PLEC: variants seen among roughly 807,000 people sequenced by gnomAD.
PLEC encodes plectin.
A neutral mutation model predicts 392.8 loss-of-function variants in PLEC; 216 were observed. The ratio of observed to expected loss-of-function variants is 0.55; its 90% CI spans 0.49 to 0.62. PLEC has a LOEUF of 0.62. Among genes scored for constraint, PLEC ranks in the 20% least tolerant of loss-of-function variants. The pLI is 0.00. For synonymous variants in PLEC, 3,621 were observed against 2,980.6 expected (o/e 1.21, Z -7.00); for missense variants, 6,863 against 6,563.4 (o/e 1.05, Z -1.58).
intron 1 of PLEC, among the ~76,000 whole-genome samples, chr8:143,968,024 G>A (rs1294349173): frequency 3.3e-5 from 5 of 150,866 alleles, no homozygotes; most frequent in South Asian, 2.1e-4. Context: ...GCTACTCGGC[G>A]GACAGAGGCA....
chr8:143,939,150 A>G (rs1265768970), intron 1 of PLEC, among the ~76,000 whole-genome samples, 200 bp downstream of exon 1: 1 of 152,156 alleles, frequency 6.6e-6, no homozygotes, highest in Non-Finnish European at 1.5e-5. Flanking sequence ...CAGGCCCGAC[A>G]TCTGACGCTC....
chr8:143,923,090 G>A lies in PLEC; in HGVS notation c.6839C>T (p.Ala2280Val). ...TTGGGCCGCCACACTCAGCCGCGCG[G>A]CCTCCTCCGCCACCTGCTTCATCTT... ...AEKMKQVAEEAARLSVAAQEA... is the reference protein window; with the variant it reads ...AEKMKQVAEEVARLSVAAQEA... The change falls in exon 31 of 32, where the codon GCC becomes GTC. Residue 2280 changes from alanine (A) to valine (V), a missense_variant. Ala to Val is a moderately conservative substitution (Grantham distance 64). Transcript: ENST00000345136. 1 of 1,606,930 alleles carries A rather than the reference G, an allele frequency of 6.2e-7. No individual in the cohort carries two copies. The highest frequency in any genetic ancestry group is 8.5e-7 in the Non-Finnish European group (1 of 1,179,828).
In PLEC at chr8:143,921,764, T is replaced by C. The variant is rs781866441; in HGVS notation, c.8057A>G (p.Glu2686Gly). 8.1e-6 allele frequency: 13 copies of C among 1,612,026 alleles called. No individual in the cohort carries two copies. In the East Asian group the frequency reaches 1.6e-4, roughly 19 times the overall value. The change falls in exon 32 of 32, where the codon GAA (glutamate) becomes GGA (glycine). Residue 2686 changes from glutamate (E) to glycine (G), a missense_variant. Physicochemically the swap from Glu to Gly is moderately conservative, Grantham distance 98 (BLOSUM62 -2). Coordinates refer to ENST00000345136, the MANE Select transcript of PLEC (RefSeq NM_201384.3). ...HTTVDELARR[E>G]DVRHYLQGRS... ...GCCCTGCAGGTAGTGGCGCACGTCT[T>C]CCCGCCGTGCGAGCTCGTCCACCGT...
chr8:143,919,663 C>A lies in PLEC; in HGVS notation c.10158G>T (p.Ala3386=). The change falls in exon 32 of 32, where the codon GCG becomes GCT. Residue 3386 remains alanine (A), a synonymous_variant. Transcript: ENST00000345136. The part of the protein sequence containing the change: ...RRGLLRATTA[A]LLLEAQAATG... ...TGGCCGCCTGCGCCTCCAGCAGGAG[C>A]GCAGCCGTTGTGGCTCTCAGCAGGC... 6.3e-7 allele frequency: 1 copy of A among 1,594,350 alleles called. No homozygotes were observed. The highest frequency in any genetic ancestry group is 8.5e-7 in the Non-Finnish European group (1 of 1,172,388).
At chr8:143,929,306 C>G (rs1486179183) in intron 24 of PLEC, 25 bp from the exon 25 acceptor site, 3 of 1,597,542 alleles carry the variant, frequency 1.9e-6, no homozygotes, top group Non-Finnish European at 2.5e-6. Flanking sequence ...AGTGGGAACG[C>G]ACTCATCACC....
upstream of PLEC, among the ~76,000 whole-genome samples, chr8:143,954,405 G>A (rs1832476700): frequency 1.3e-5 from 2 of 152,170 alleles, no homozygotes; most frequent in African/African-American, 4.8e-5. The surrounding 1 kb of genome is among the most constrained non-coding windows in gnomAD (Gnocchi z 4.6). Context: ...TGACAGGTCC[G>A]ACCTGCACCC....
Position 143,929,332 on chromosome 8 carries a change from C to T in PLEC, c.3082-51G>A, listed in dbSNP as rs537031083. 97 of 1,588,788 alleles carry T rather than the reference C, an allele frequency of 6.1e-5. No individual in the cohort carries two copies. In the South Asian group the frequency reaches 9.8e-4, roughly 16 times the overall value. On this transcript the variant is annotated intron_variant, in intron 24 of 31. Transcript: ENST00000345136. The stretch of plus-strand genomic sequence containing the variant: ...ACTCATCACCGAGCGCAGCACACAG[C>T]GCCCCTTGAAGGCCAAAGGAGGGAG...
Position 143,927,677 on chromosome 8 carries a change from C to T in PLEC, c.3489G>A (p.Leu1163=). 1 of 1,580,822 alleles carries T rather than the reference C, an allele frequency of 6.3e-7. No homozygotes were observed. The highest frequency in any genetic ancestry group is 8.6e-7 in the Non-Finnish European group (1 of 1,163,274). Residue 1163 remains leucine (L), a synonymous_variant, in exon 27 of 32, where the codon CTG becomes CTA. Coordinates refer to ENST00000345136, the MANE Select transcript of PLEC (RefSeq NM_201384.3). ...LRGAQEVGER[L]QQRHGERDVE... ...CGTCCCGCTCCCCGTGCCGCTGCTG[C>T]AGTCGCTCCCCCACCTCCTGTGCCC...
chr8:143,945,579 A>G (rs1554731760), intron 1 of PLEC, among the ~76,000 whole-genome samples: 1 of 152,194 alleles, frequency 6.6e-6, no homozygotes, highest in Non-Finnish European at 1.5e-5. Flanking sequence ...CGCTCCTGGC[A>G]CCACATGGAA....
chr8:143,952,290 G>A (rs1262797884), upstream of PLEC, among the ~76,000 whole-genome samples: 1 of 152,184 alleles, frequency 6.6e-6, no homozygotes, highest in African/African-American at 2.4e-5. Flanking sequence ...CATAGCCACG[G>A]TTCCCACAGC....
chr8:143,948,607 C>T lies in PLEC; in HGVS notation c.523+1577G>A, dbSNP rs537210127. On this transcript the variant is annotated intron_variant, in intron 1 of 31. Transcript: ENST00000322810. ...TGTGGCTCGCTTCCTGTTGGAAACT[C>T]TGAGCTGCTGCTGGCGGCTGTGGCT... Among the ~76,000 whole-genome samples the T allele has an allele frequency of 3.9e-5, 6 of 152,358 alleles. No individual in the cohort carries two copies. In the South Asian group the frequency reaches 1.2e-3, roughly 32 times the overall value.
chr8:143,956,146 C>T (rs2132817969), upstream of PLEC, among the ~76,000 whole-genome samples: 1 of 152,254 alleles, frequency 6.6e-6, no homozygotes, highest in South Asian at 2.1e-4. Context: ...TGGGGTTTCA[C>T]CATGTTGGTC....
chr8:143,950,025 C>T (rs1305112864), intron 1 of PLEC, among the ~76,000 whole-genome samples: 1 of 152,192 alleles, frequency 6.6e-6, no homozygotes, highest in Non-Finnish European at 1.5e-5. Flanking sequence ...GCAAGCGCAC[C>T]CCCTGACCCT....
chr8:143,965,886 C>A (rs1833062973), intron 1 of PLEC, among the ~76,000 whole-genome samples: 1 of 152,172 alleles, frequency 6.6e-6, no homozygotes. Context: ...GGCCAAGGCC[C>A]AGGGAACTCC....
chr8:143,933,221 G>T lies in PLEC; in HGVS notation c.1394C>A (p.Pro465Gln). ...DVQTLKDGRH[P>Q]QGEQMYRRVY... ...CCTGCGGTACATCTGCTCGCCCTGC[G>T]GGTGCCGTCCATCCTTGAGGGTCTG... is the stretch of plus-strand genomic sequence containing the variant. Residue 465 changes from proline to glutamine, a missense_variant, in exon 13 of 32, where the codon CCG becomes CAG. Coordinates refer to ENST00000345136, the MANE Select transcript of PLEC (RefSeq NM_201384.3). 6.2e-7 allele frequency: 1 copy of T among 1,612,854 alleles called. No individual in the cohort carries two copies. The highest frequency in any genetic ancestry group is 8.5e-7 in the Non-Finnish European group (1 of 1,179,944).
chr8:143,936,692 G>A (rs576617480), intron 5 of PLEC, among the ~76,000 whole-genome samples: 4 of 152,336 alleles, frequency 2.6e-5, no homozygotes, highest in Non-Finnish European at 5.9e-5. Context: ...CCTCCCCAGG[G>A]CAGGCACCGG....
upstream of PLEC, chr8:143,944,572 TCAGCCC>T (rs145989270): frequency 2.1e-6 from 2 of 938,754 alleles, no homozygotes; most frequent in Non-Finnish European, 1.5e-6. Flanking sequence ...GCCTCCAGCC[TCAGCCC>T]CAGCCCTCTG....
chr8:143,955,537 A>G (rs1299780616), upstream of PLEC, among the ~76,000 whole-genome samples: 1 of 152,232 alleles, frequency 6.6e-6, no homozygotes, highest in Non-Finnish European at 1.5e-5. Flanking sequence ...ACCTCAAGTG[A>G]AAGTGACAGA....
At chr8:143,949,049 C>T (rs1554733794) in intron 1 of PLEC, among the ~76,000 whole-genome samples, 1 of 152,216 alleles carries the variant, frequency 6.6e-6, no homozygotes, top group Non-Finnish European at 1.5e-5. Context: ...CCAGCCTCCA[C>T]CCCACAGCCT....
Sources: allele counts gnomAD v4.1 joint callset (sites outside exome capture counted in the v4.1 genomes callset), GRCh38; gene constraint gnomAD v4.1.1; non-coding constraint Gnocchi (gnomAD v3.1); transcripts MANE v1.5; gene names NCBI Gene and HGNC (gene_info 2026-07-23, HGNC 2026-07-21).